DSCAM: variants seen among roughly 807,000 people sequenced by gnomAD.
The protein encoded by DSCAM is cell adhesion molecule DSCAM.
Under a neutral mutation model 217.7 loss-of-function variants are expected in DSCAM, and 47 were observed. That is an observed-to-expected ratio of 0.22 (90% CI 0.17 to 0.28). DSCAM has a LOEUF of 0.28. Among genes scored for constraint, DSCAM ranks in the 10% least tolerant of loss-of-function variants. The pLI, the probability that DSCAM is intolerant of heterozygous loss-of-function variation, is 1.00. For missense variants in DSCAM, 2,080 were observed against 2,618.3 expected, an observed-to-expected ratio of 0.79 and a Z score of 4.49; for synonymous variants, 1,056 against 1,015.3, an observed-to-expected ratio of 1.04 and a Z score of -0.76.
chr21:40,205,747 CG>C (rs1182607509), intron 11 of DSCAM, among the ~76,000 whole-genome samples: 1 of 151,996 alleles, frequency 6.6e-6, no homozygotes, highest in Non-Finnish European at 1.5e-5. Flanking sequence ...TTCTTTGCCT[CG>C]GTGAATATTA....
chr21:40,079,862 C>T (rs1278298780), intron 25 of DSCAM, among the ~76,000 whole-genome samples: 1 of 152,152 alleles, frequency 6.6e-6, no homozygotes, highest in Non-Finnish European at 1.5e-5. Context: ...GGGCAAGCGC[C>T]ACGCTTCATG....
At chr21:40,072,161 T>C (rs895932592) in intron 27 of DSCAM, among the ~76,000 whole-genome samples, 11 of 152,130 alleles carry the variant, frequency 7.2e-5, no homozygotes, top group African/African-American at 2.7e-4. Context: ...TGTGATCAAA[T>C]AGAAATGGTC....
At chr21:40,055,400 G>A (rs1459218754) in intron 29 of DSCAM, among the ~76,000 whole-genome samples, 1 of 152,146 alleles carries the variant, frequency 6.6e-6, no homozygotes, top group Non-Finnish European at 1.5e-5. Context: ...ATGTGTAGTC[G>A]ATTACAGATG....
At chr21:40,276,358 G>C in intron 10 of DSCAM, 88 bp from the exon 11 acceptor site, 1 of 1,263,720 alleles carries the variant, frequency 7.9e-7, no homozygotes, top group African/African-American at 1.5e-5. Flanking sequence ...GACTCATAAA[G>C]AGATGCTTCA....
intron 11 of DSCAM, among the ~76,000 whole-genome samples, chr21:40,208,523 G>A (rs1279069810): frequency 1.3e-5 from 2 of 152,328 alleles, no homozygotes; most frequent in East Asian, 3.9e-4. Flanking sequence ...CATGGAGAAT[G>A]GCTCACTGAG....
At chr21:40,741,121 G>A (rs976316153) in intron 1 of DSCAM, among the ~76,000 whole-genome samples, 3 of 152,110 alleles carry the variant, frequency 2.0e-5, no homozygotes, top group African/African-American at 7.2e-5. Flanking sequence ...GGAGAAAGAG[G>A]ATGAACACAA....
chr21:40,029,485 A>C (rs554089079), intron 32 of DSCAM, among the ~76,000 whole-genome samples: 1 of 151,910 alleles, frequency 6.6e-6, no homozygotes, highest in African/African-American at 2.4e-5. Flanking sequence ...TAATTCACTA[A>C]ATTGCCAGTA....
At chr21:40,392,666 C>T (rs556835211) in intron 3 of DSCAM, among the ~76,000 whole-genome samples, 4 of 152,246 alleles carry the variant, frequency 2.6e-5, no homozygotes, top group South Asian at 2.1e-4. Flanking sequence ...ACGTACAGAA[C>T]GGTGAAGCCT....
chr21:40,208,269 A>C (rs1601442004), intron 11 of DSCAM, among the ~76,000 whole-genome samples: 1 of 152,146 alleles, frequency 6.6e-6, no homozygotes, highest in African/African-American at 2.4e-5. Flanking sequence ...CCTGGCCAAC[A>C]TGGTGAAACC....
Position 40,266,665 on chromosome 21 carries a change from AT to A in DSCAM, c.2356+9431del, listed in dbSNP as rs1569032001. On this transcript the variant is annotated intron_variant, in intron 11 of 32. Coordinates refer to ENST00000400454, the MANE Select transcript of DSCAM (RefSeq NM_001389.5). ...TATATATATATATATATATATATAT[AT>A]ATATAATCTTGAAATTTTATATATA... is the stretch of plus-strand genomic sequence containing the variant. Among the ~76,000 whole-genome samples, 16 of 132,106 alleles carry A rather than the reference AT, an allele frequency of 1.2e-4. 2 individuals are homozygous for A. The highest frequency in any genetic ancestry group is 4.7e-4 in the South Asian group (2 of 4,252). The allele number at this position is 132,106 out of a possible 152,430, so 86.7% of individuals were successfully genotyped here. A position where few individuals can be genotyped will look rare whatever the true frequency, so the allele number is the denominator to read the frequency against.
chr21:40,426,912 T>C lies in DSCAM; in HGVS notation c.509-57667A>G, dbSNP rs1263693654. On this transcript the variant is annotated intron_variant, in intron 3 of 32. Transcript: ENST00000400454. ...CTTCATTGGTACTTGGCTAACACTT[T>C]GAAAAAAAAATCTAGTGTGCAAGGG... Among the ~76,000 whole-genome samples the C allele has an allele frequency of 2.6e-5, 4 of 151,916 alleles. No homozygotes were observed. The East Asian group carries it at 7.7e-4, about 29-fold the overall frequency.
chr21:40,829,858 G>C (rs944482359), intron 1 of DSCAM, among the ~76,000 whole-genome samples: 2 of 152,302 alleles, frequency 1.3e-5, no homozygotes, highest in Admixed American at 6.5e-5. Context: ...CTCATCTCAG[G>C]AATGAGCTGA....
rs1419778419 is a variant in DSCAM at position 40,637,203 on chromosome 21, AT to A, written c.508+55606del. Among the ~76,000 whole-genome samples the A allele has an allele frequency of 3.0e-4, 3 of 10,112 alleles. 1 individual carries two copies. The highest frequency in any genetic ancestry group is 1.3e-3 in the African/African-American group (2 of 1,596). The allele number at this position is 10,112 out of a possible 152,430, so 6.6% of individuals were successfully genotyped here. ...AATATATATAAATATAAATATATAT[AT>A]AAATATATATAAATATAAATATATA... On this transcript the variant is annotated intron_variant, in intron 3 of 32. Coordinates refer to ENST00000400454, the MANE Select transcript of DSCAM (RefSeq NM_001389.5).
At chr21:40,343,671 A>G (rs955847403) in intron 6 of DSCAM, among the ~76,000 whole-genome samples, 13 of 152,128 alleles carry the variant, frequency 8.5e-5, no homozygotes, top group Admixed American at 2.6e-4. Context: ...ATCTATATGT[A>G]TATCAATGTG....
chr21:40,661,196 C>T (rs1229358483), intron 3 of DSCAM, among the ~76,000 whole-genome samples: 2 of 152,126 alleles, frequency 1.3e-5, no homozygotes, highest in Admixed American at 6.6e-5. Context: ...TTGAAAAATA[C>T]ACTGTGTTAG....
intron 19 of DSCAM, among the ~76,000 whole-genome samples, chr21:40,132,429 T>G (rs979184553): frequency 6.6e-6 from 1 of 152,252 alleles, no homozygotes; most frequent in Non-Finnish European, 1.5e-5. Context: ...CTTAGCTTTC[T>G]AGATATCTCT....
chr21:40,261,656 C>CT (rs2073453561), intron 11 of DSCAM, among the ~76,000 whole-genome samples: 3 of 143,410 alleles, frequency 2.1e-5, no homozygotes, highest in South Asian at 2.3e-4. Flanking sequence ...TCTCTCTACA[C>CT]ACACACACAC....
chr21:40,148,198 T>A (rs896484441), intron 16 of DSCAM, among the ~76,000 whole-genome samples: 8 of 152,204 alleles, frequency 5.3e-5, no homozygotes, highest in Non-Finnish European at 1.2e-4. Flanking sequence ...TACATCTTTT[T>A]TTTTCAGGGT....
chr21:40,544,073 G>A (rs1273969388), intron 3 of DSCAM, among the ~76,000 whole-genome samples: 4 of 152,068 alleles, frequency 2.6e-5, no homozygotes, highest in African/African-American at 9.7e-5. Context: ...TGGAAGTGAG[G>A]GGTGAGCCAT....
Sources: allele counts gnomAD v4.1 joint callset (sites outside exome capture counted in the v4.1 genomes callset), GRCh38; gene constraint gnomAD v4.1.1; transcripts MANE v1.5; gene names NCBI Gene and HGNC (gene_info 2026-07-23, HGNC 2026-07-21).